FEZF1: variants seen among roughly 807,000 people sequenced by gnomAD.
The protein encoded by FEZF1 is fez family zinc finger protein 1.
In FEZF1, 8 loss-of-function variants were observed where a neutral mutation model predicts 32.4. The ratio of observed to expected loss-of-function variants is 0.25; its 90% CI spans 0.15 to 0.45. The LOEUF is 0.45. Ranked by LOEUF, FEZF1 falls within the 20% of genes least tolerant of loss-of-function variation. FEZF1 has a pLI of 1.00. For missense variants in FEZF1, 546 were observed against 622.3 expected (o/e 0.88, Z 1.31); for synonymous variants, 259 against 265.2 (o/e 0.98, Z 0.23).
At position 122,302,911 on chromosome 7, in the gene FEZF1, G is replaced by C. The variant is rs1563041626; in HGVS notation, c.957C>G (p.Asn319Lys). ...IHTQEKPHKC[N>K]QCGKAFNRSS... ...TTCTATTAAATGCTTTGCCACACTG[G>C]TTACATTTGTGAGGTTTTTCCTAAG... is the stretch of plus-strand genomic sequence containing the variant. Residue 319 changes from asparagine (N) to lysine (K), a missense_variant, in exon 3 of 4, where the codon AAC (asparagine) becomes AAG (lysine). Physicochemically the swap from Asn to Lys is moderately conservative, Grantham distance 94. This residue lies in a region of FEZF1 where 118 missense variants were observed against 188.7 expected (regional missense o/e 0.63). Coordinates refer to ENST00000442488, the MANE Select transcript of FEZF1 (RefSeq NM_001024613.4). The surrounding 1 kb of genome is among the most constrained non-coding windows in gnomAD (Gnocchi z 4.4). 1 of 1,610,892 alleles carries C rather than the reference G, an allele frequency of 6.2e-7. No homozygotes were observed. Among genetic ancestry groups the C allele is most frequent in the Non-Finnish European group, 8.5e-7 (1 of 1,178,440 alleles).
chr7:122,302,712 T>C lies in FEZF1; in HGVS notation c.1069+87A>G, dbSNP rs985507891. 4.8e-6 allele frequency: 7 copies of C among 1,461,546 alleles called. No individual in the cohort carries two copies. The highest frequency in any genetic ancestry group is 1.7e-5 in the Admixed American group (1 of 57,722). 90.5% of individuals were successfully genotyped at this position (1,461,546 alleles called of 1,614,324 possible). On this transcript the variant is annotated intron_variant, in intron 3 of 3. Coordinates refer to ENST00000442488, the MANE Select transcript of FEZF1 (RefSeq NM_001024613.4). The surrounding 1 kb of genome is among the most constrained non-coding windows in gnomAD (Gnocchi z 4.4). ...ACAAAAGTGCCACATAACTACACTT[T>C]AAACATCGTCTTCTAAAACATCCCG...
rs1202694673 is a variant in FEZF1 at position 122,304,531 on chromosome 7, C to G, written c.-94G>C. The G allele has an allele frequency of 9.6e-7, 1 of 1,036,850 alleles. No homozygotes were observed. Among genetic ancestry groups the G allele is most frequent in the African/African-American group, 1.6e-5 (1 of 62,790 alleles). The allele number at this position is 1,036,850 out of a possible 1,614,324, so 64.2% of individuals were successfully genotyped here. A position where few individuals can be genotyped will look rare whatever the true frequency, so the allele number is the denominator to read the frequency against. Reference sequence around the variant, plus strand: ...ACAGACCTGCGGAGAGGGGGACGGGCACCATCACCACCAGTAGCCTCCTCC... The same window carrying G: ...ACAGACCTGCGGAGAGGGGGACGGGGACCATCACCACCAGTAGCCTCCTCC... On this transcript the variant is annotated 5_prime_UTR_variant, in exon 1 of 4. Coordinates refer to ENST00000442488, the MANE Select transcript of FEZF1 (RefSeq NM_001024613.4).
At chr7:122,303,087 A>G in intron 2 of FEZF1, 90 bp downstream of exon 2, 1 of 1,580,008 alleles carries the variant, frequency 6.3e-7, no homozygotes. Flanking sequence ...TTTTTAAATG[A>G]ACGTTATCCT....
At chr7:122,308,926 A>T (rs2031354305), upstream of FEZF1, among the ~76,000 whole-genome samples, 1 of 152,198 alleles carries the variant, frequency 6.6e-6, no homozygotes, top group Admixed American at 6.5e-5. Flanking sequence ...ATAGCACCAA[A>T]GGCAACACAC....
At position 122,302,077 on chromosome 7, in the gene FEZF1, G is replaced by T. The variant is rs754858674; in HGVS notation, c.1348C>A (p.Pro450Thr). The T allele has an allele frequency of 1.7e-5, 27 of 1,607,828 alleles. No homozygotes were observed. ...GGCTGCAGAGGAGGCAGCGTCATCG[G>T]CGGCTGCTGCGGTAGCGGGGGCGGC... The part of the protein sequence containing the change: ...EPPPPLPQQP[P>T]MTLPPLQPPL... Residue 450 changes from proline to threonine, a missense_variant, in exon 4 of 4, where the codon CCG (proline) becomes ACG (threonine). By Grantham distance (38) the Pro-to-Thr change is conservative (BLOSUM62 -1). Coordinates refer to ENST00000442488, the MANE Select transcript of FEZF1 (RefSeq NM_001024613.4). The surrounding 1 kb of genome is among the most constrained non-coding windows in gnomAD (Gnocchi z 4.4).
chr7:122,304,386 C>G lies in FEZF1; in HGVS notation c.52G>C (p.Ala18Pro). 6.3e-7 allele frequency: 1 copy of G among 1,592,052 alleles called. No homozygotes were observed. The highest frequency in any genetic ancestry group is 1.3e-5 in the African/African-American group (1 of 74,234). The change falls in exon 1 of 4, where the codon GCT (alanine) becomes CCT (proline). Residue 18 changes from alanine (A) to proline (P), a missense_variant. By Grantham distance (27) the Ala-to-Pro change is conservative. Coordinates refer to ENST00000442488, the MANE Select transcript of FEZF1 (RefSeq NM_001024613.4). ...GACGTGCTCATCATGTTGCCCCGAG[C>G]TGGAGCAGTCGCTAACATTTTGGTA... is the stretch of plus-strand genomic sequence containing the variant. ...ATTKMLATAP[A>P]RGNMMSTSKP...
At chr7:122,307,364 A>G (rs1161940039), upstream of FEZF1, 5 of 152,342 alleles carry the variant, frequency 3.3e-5, no homozygotes, top group Non-Finnish European at 7.3e-5. Flanking sequence ...GAAAAAGCCA[A>G]GAAGCGCGAA....
chr7:122,305,554 C>T (rs2031249305), upstream of FEZF1: 1 of 152,250 alleles, frequency 6.6e-6, no homozygotes, highest in Non-Finnish European at 1.5e-5. Flanking sequence ...GATCGGACCC[C>T]ACCCAGGATA....
chr7:122,302,925 G>T lies in FEZF1; in HGVS notation c.943C>A (p.Pro315Thr), dbSNP rs769231658. The change falls in exon 3 of 4, where the codon CCT (proline) becomes ACT (threonine). Residue 315 changes from proline to threonine, a missense_variant. This residue lies in a region of FEZF1 where 118 missense variants were observed against 188.7 expected (regional missense o/e 0.63). Coordinates refer to ENST00000442488, the MANE Select transcript of FEZF1 (RefSeq NM_001024613.4). This position sits in a 1 kb window ranked among gnomAD's most constrained non-coding sequence, Gnocchi z 4.4. ...RHKIIHTQEKPHKCNQCGKAF... is the reference protein window; with the variant it reads ...RHKIIHTQEKTHKCNQCGKAF... The stretch of plus-strand genomic sequence containing the variant: ...TTGCCACACTGGTTACATTTGTGAG[G>T]TTTTTCCTAAGCAGGAGAAAGGAAA... The T allele has an allele frequency of 6.2e-7, 1 of 1,606,392 alleles. No individual in the cohort carries two copies. The highest frequency in any genetic ancestry group is 8.5e-7 in the Non-Finnish European group (1 of 1,176,506).
Position 122,304,430 on chromosome 7 carries a change from C to T in FEZF1, c.8G>A (p.Ser3Asn), listed in dbSNP as rs577624089. The change falls in exon 1 of 4, where the codon AGT (serine) becomes AAT (asparagine). Residue 3 changes from serine to asparagine, a missense_variant. Ser to Asn is a conservative substitution (Grantham distance 46). Transcript: ENST00000442488. ...TTTGGTAGTCGCGTTGTGGCAGCTA[C>T]TGTCCATGTCTGAGTCGCCAGCGTC... MD[S>N]SCHNATTKML... is the part of the protein sequence containing the mutation. 6.5e-7 allele frequency: 1 copy of T among 1,550,026 alleles called. No individual in the cohort carries two copies. Among genetic ancestry groups the T allele is most frequent in the Admixed American group, 1.9e-5 (1 of 52,108 alleles).
At position 122,301,853 on chromosome 7, in the gene FEZF1, G is replaced by T; in HGVS notation, c.*144C>A. The T allele has an allele frequency of 8.7e-7, 1 of 1,145,618 alleles. No homozygotes were observed. The highest frequency in any genetic ancestry group is 1.2e-6 in the Non-Finnish European group (1 of 825,608). 71.0% of individuals were successfully genotyped at this position (1,145,618 alleles called of 1,614,324 possible). On this transcript the variant is annotated 3_prime_UTR_variant, in exon 4 of 4. Transcript: ENST00000442488. ...GGTGCATGCAAGAGGCGAAAGGCCA[G>T]GGGATGCAGAGGCTTCTGGTCGGCC...
rs1490758371 is a variant in FEZF1, at chr7:122,303,916, G to A, written c.522C>T (p.Ala174=). 1.2e-6 allele frequency: 2 copies of A among 1,612,714 alleles called. No individual in the cohort carries two copies. The highest frequency in any genetic ancestry group is 2.7e-5 in the African/African-American group (2 of 74,904). The change falls in exon 1 of 4, where the codon GCC becomes GCT. Residue 174 remains alanine, a synonymous_variant. Coordinates refer to ENST00000442488, the MANE Select transcript of FEZF1 (RefSeq NM_001024613.4). ...AGGCCACCGGGTGGATGTTCACGCC[G>A]GCTGCCGGGTGGCATGGGCCGTCAC... The part of the protein sequence containing the change: ...NRGDGPCHPA[A]GVNIHPVASY...
chr7:122,305,952 T>C (rs2031265268), upstream of FEZF1: 1 of 151,506 alleles, frequency 6.6e-6, no homozygotes, highest in African/African-American at 2.4e-5. Context: ...CGTGTGGAGG[T>C]TTCCGGGAAG....
chr7:122,304,433 T>A lies in FEZF1; in HGVS notation c.5A>T (p.Asp2Val). Reference protein sequence around the residue: MDSSCHNATTKM... With the variant: MVSSCHNATTKM... Reference sequence around the variant, plus strand: ...GGTAGTCGCGTTGTGGCAGCTACTGTCCATGTCTGAGTCGCCAGCGTCCGT... The same window carrying A: ...GGTAGTCGCGTTGTGGCAGCTACTGACCATGTCTGAGTCGCCAGCGTCCGT... The change falls in exon 1 of 4, where the codon GAC becomes GTC. Residue 2 changes from aspartate (D) to valine (V), a missense_variant. Around this residue, in one of 3 missense-constraint regions of FEZF1, gnomAD observed 345 missense variants for 360.6 expected, o/e 0.96. Transcript: ENST00000442488. 1 of 1,551,838 alleles carries A rather than the reference T, an allele frequency of 6.4e-7. No individual in the cohort carries two copies. Among genetic ancestry groups the A allele is most frequent in the Non-Finnish European group, 8.7e-7 (1 of 1,143,658 alleles).
Position 122,302,798 on chromosome 7 carries a change from C to G in FEZF1, c.1069+1G>C. 1 of 1,613,388 alleles carries G rather than the reference C, an allele frequency of 6.2e-7. No homozygotes were observed. The highest frequency in any genetic ancestry group is 8.5e-7 in the Non-Finnish European group (1 of 1,179,640). On this transcript the variant is annotated splice_donor_variant, in intron 3 of 3. Coordinates refer to ENST00000442488, the MANE Select transcript of FEZF1 (RefSeq NM_001024613.4). LOFTEE classifies it high-confidence loss of function. This position sits in a 1 kb window ranked among gnomAD's most constrained non-coding sequence, Gnocchi z 4.4. ...TGAGAGACATTTCCTGGTTTGCATACCTTTTTGATGAAACCCTTTGCCACA... is the reference window on the plus strand; with the variant it reads ...TGAGAGACATTTCCTGGTTTGCATAGCTTTTTGATGAAACCCTTTGCCACA...
chr7:122,303,780 C>G lies in FEZF1; in HGVS notation c.658G>C (p.Asp220His), dbSNP rs774703337. 13 of 1,614,182 alleles carry G rather than the reference C, an allele frequency of 8.1e-6. No individual in the cohort carries two copies. In the South Asian group the frequency reaches 1.1e-4, roughly 14 times the overall value. Residue 220 changes from aspartate to histidine, a missense_variant, in exon 1 of 4, where the codon GAC (aspartate) becomes CAC (histidine). Physicochemically the swap from Asp to His is moderately conservative, Grantham distance 81 (BLOSUM62 -1). Around this residue, in one of 3 missense-constraint regions of FEZF1, gnomAD observed 345 missense variants for 360.6 expected, o/e 0.96. Coordinates refer to ENST00000442488, the MANE Select transcript of FEZF1 (RefSeq NM_001024613.4). Reference protein sequence around the residue: ...EKYPSGVAFKDLSQAQLQHYM... With the variant: ...EKYPSGVAFKHLSQAQLQHYM... Reference sequence around the variant, plus strand: ...TGCTGCAGCTGAGCCTGGGACAGGTCTTTGAAAGCTACTCCAGAAGGGTAT... The same window carrying G: ...TGCTGCAGCTGAGCCTGGGACAGGTGTTTGAAAGCTACTCCAGAAGGGTAT...
rs11978249 is a variant in FEZF1, at chr7:122,302,567, A to G, written c.1070-212T>C. Among the ~76,000 whole-genome samples, 82,885 of 151,868 alleles carry G rather than the reference A, an allele frequency of 0.55. 24,050 individuals are homozygous for G. Among genetic ancestry groups the G allele is most frequent in the Non-Finnish European group, 0.64 (43,487 of 67,938 alleles). ...TGATGCCGTTTCCTTAAATTTTAAT[A>G]CACATTTATCAGTCCAATTACATAC... On this transcript the variant is annotated intron_variant, in intron 3 of 3. Transcript: ENST00000442488. The surrounding 1 kb of genome is among the most constrained non-coding windows in gnomAD (Gnocchi z 4.4).
In FEZF1 at chr7:122,301,626, A is replaced by C; in HGVS notation, c.*371T>G. 5.2e-6 allele frequency: 1 copy of C among 191,078 alleles called. No homozygotes were observed. The allele number at this position is 191,078 out of a possible 1,614,324, so 11.8% of individuals were successfully genotyped here. A position where few individuals can be genotyped will look rare whatever the true frequency, so the allele number is the denominator to read the frequency against. ...TTAAAATGATGCAGCATTCCCGGGTAGAATAATACAGATCTCAATAAATAT... is the reference window on the plus strand; with the variant it reads ...TTAAAATGATGCAGCATTCCCGGGTCGAATAATACAGATCTCAATAAATAT... On this transcript the variant is annotated 3_prime_UTR_variant, in exon 4 of 4. Transcript: ENST00000442488.
chr7:122,306,059 G>T (rs2031270325), upstream of FEZF1: 1 of 152,284 alleles, frequency 6.6e-6, no homozygotes, highest in Admixed American at 6.5e-5. Flanking sequence ...CTTCCCCGGC[G>T]CAGTCTCTTG....
Sources: allele counts gnomAD v4.1 joint callset (sites outside exome capture counted in the v4.1 genomes callset), GRCh38; gene constraint gnomAD v4.1.1; regional missense constraint gnomAD v4.1.1; non-coding constraint Gnocchi (gnomAD v3.1); transcripts MANE v1.5; gene names NCBI Gene and HGNC (gene_info 2026-07-23, HGNC 2026-07-21).